PGR: variants seen among roughly 807,000 people sequenced by gnomAD.
The protein encoded by PGR is nuclear receptor subfamily 3 group C member 3.
PGR carries 25 observed loss-of-function variants against 76.1 expected under a neutral mutation model. The observed-to-expected ratio is 0.33, with a 90% CI of 0.24 to 0.46. The LOEUF (loss-of-function observed/expected upper bound fraction) is 0.46. Ranked by LOEUF, PGR falls within the 20% of genes least tolerant of loss-of-function variation. The pLI, the probability that PGR is intolerant of heterozygous loss-of-function variation, is 1.00. For synonymous variants in PGR, 579 were observed against 535.0 expected, an observed-to-expected ratio of 1.08 and a Z score of -1.14; for missense variants, 1,172 against 1,225.3, an observed-to-expected ratio of 0.96 and a Z score of 0.65.
chr11:101,053,804 T>TCCCTCCTTCCTTCCTC (rs147597569), intron 4 of PGR, among the ~76,000 whole-genome samples: 2 of 151,526 alleles, frequency 1.3e-5, no homozygotes, highest in East Asian at 2.0e-4. Context: ...CTTCTTTCCT[T>TCCCTCCTTCCTTCCTC]CCCTCCTTCC....
chr11:101,115,866 T>C (rs471715), intron 2 of PGR, among the ~76,000 whole-genome samples: 17,833 of 152,224 alleles, frequency 0.12, 1,355 homozygotes, highest in Non-Finnish European at 0.16. Flanking sequence ...CTCAACATAG[T>C]CTATAAATCA....
intron 2 of PGR, among the ~76,000 whole-genome samples, chr11:101,097,114 T>C (rs1861858108): frequency 6.6e-6 from 1 of 152,178 alleles, no homozygotes; most frequent in Non-Finnish European, 1.5e-5. Flanking sequence ...CTATGCTTCT[T>C]TCTCCTTGCA....
intron 2 of PGR, among the ~76,000 whole-genome samples, chr11:101,113,599 G>A (rs1380027633): frequency 6.6e-6 from 1 of 152,032 alleles, no homozygotes; most frequent in African/African-American, 2.4e-5. Context: ...ATACTACTGA[G>A]ACACTTGTCA....
intron 3 of PGR, among the ~76,000 whole-genome samples, chr11:101,068,997 CA>C (rs1295718748): frequency 6.6e-6 from 1 of 152,140 alleles, no homozygotes; most frequent in Non-Finnish European, 1.5e-5. Flanking sequence ...GCAATGGCAA[CA>C]AAAGACAAAA....
At chr11:101,119,339 A>G (rs1591431591) in intron 2 of PGR, among the ~76,000 whole-genome samples, 1 of 152,270 alleles carries the variant, frequency 6.6e-6, no homozygotes, top group Middle Eastern at 3.4e-3. Flanking sequence ...CAATTATTTC[A>G]ATCAATCCTT....
rs201297767 is a variant in PGR, at chr11:101,056,661, G to C, written c.2213-5093C>G. On this transcript the variant is annotated intron_variant, in intron 4 of 7. Transcript: ENST00000325455. ...TCTCAAGAAAAAAAAAAAAAAAAAA[G>C]ATGGCCTGTATGACAGTACTACTAA... 1.2e-4 allele frequency among the ~76,000 whole-genome samples: 13 copies of C among 111,512 alleles called. No homozygotes were observed. The East Asian group carries it at 1.5e-3, about 12-fold the overall frequency. The allele number at this position is 111,512 out of a possible 152,430, so 73.2% of individuals were successfully genotyped here.
chr11:101,121,048 T>C (rs495188), intron 2 of PGR, among the ~76,000 whole-genome samples: 38,257 of 152,082 alleles, frequency 0.25, 5,762 homozygotes, highest in Non-Finnish European at 0.35. Context: ...CAATGAACCC[T>C]AATGTAAAGT....
At chr11:101,097,199 C>T (rs892507405) in intron 2 of PGR, among the ~76,000 whole-genome samples, 3 of 152,168 alleles carry the variant, frequency 2.0e-5, no homozygotes, top group Non-Finnish European at 4.4e-5. Context: ...TAATCACATA[C>T]TCTTTCCCAT....
Position 101,125,992 on chromosome 11 carries a change from G to A in PGR, c.1789+15C>T, listed in dbSNP as rs752624580. On this transcript the variant is annotated intron_variant, in intron 2 of 7. Coordinates refer to ENST00000325455, the MANE Select transcript of PGR (RefSeq NM_000926.4). ...AATTAAACCAATAATAAAGGATCAG[G>A]GGAAAGGAGCCTACCTTCCATTGCC... 1.2e-6 allele frequency: 2 copies of A among 1,611,766 alleles called. No individual in the cohort carries two copies. The highest frequency in any genetic ancestry group is 1.7e-5 in the Admixed American group (1 of 60,014).
At chr11:101,071,158 T>G (rs1860920972) in intron 3 of PGR, among the ~76,000 whole-genome samples, 1 of 151,876 alleles carries the variant, frequency 6.6e-6, no homozygotes, top group Non-Finnish European at 1.5e-5. Flanking sequence ...TACTGCAGAG[T>G]CCGCTAGTGA....
At chr11:101,048,215 G>C (rs940335353) in intron 6 of PGR, among the ~76,000 whole-genome samples, 1 of 152,126 alleles carries the variant, frequency 6.6e-6, no homozygotes, top group African/African-American at 2.4e-5. Context: ...AATCTTTATA[G>C]TTACATGTTT....
chr11:101,059,842 C>CAAAAAAAAAAAAAAA (rs781123527), intron 4 of PGR, among the ~76,000 whole-genome samples: 16 of 62,740 alleles, frequency 2.6e-4, no homozygotes, highest in African/African-American at 4.6e-4. Flanking sequence ...GACCCTCTCT[C>CAAAAAAAAAAAAAAA]AAAAAAAAAA....
rs1339063029 is a variant in PGR, at chr11:101,038,140, A to G, written c.*976T>C. The G allele has an allele frequency of 5.2e-6, 1 of 193,058 alleles. No individual in the cohort carries two copies. Among genetic ancestry groups the G allele is most frequent in the Non-Finnish European group, 1.1e-5 (1 of 92,534 alleles). 12.0% of individuals were successfully genotyped at this position (193,058 alleles called of 1,614,324 possible). A position where few individuals can be genotyped will look rare whatever the true frequency, so the allele number is the denominator to read the frequency against. ...ATATGAATTCATGATAGTGGAGGATAAAGAGGAGAAAGGTATGTGAATTGA... is the reference window on the plus strand; with the variant it reads ...ATATGAATTCATGATAGTGGAGGATGAAGAGGAGAAAGGTATGTGAATTGA... On this transcript the variant is annotated 3_prime_UTR_variant, in exon 8 of 8. Transcript: ENST00000325455.
Position 101,036,902 on chromosome 11 carries a change from T to A in PGR, c.*2214A>T. ...TAACAAGAATCAGATAATAAAATGA[T>A]CACAACATCAACTGTTCCCTGAGTC... On this transcript the variant is annotated 3_prime_UTR_variant, in exon 8 of 8. Coordinates refer to ENST00000325455, the MANE Select transcript of PGR (RefSeq NM_000926.4). The A allele has an allele frequency of 5.1e-6, 1 of 197,876 alleles. No homozygotes were observed. The allele number at this position is 197,876 out of a possible 1,614,324, so 12.3% of individuals were successfully genotyped here. A position where few individuals can be genotyped will look rare whatever the true frequency, so the allele number is the denominator to read the frequency against.
chr11:101,039,056 C>T lies in PGR; in HGVS notation c.*60G>A. On this transcript the variant is annotated 3_prime_UTR_variant, in exon 8 of 8. Coordinates refer to ENST00000325455, the MANE Select transcript of PGR (RefSeq NM_000926.4). Reference sequence around the variant, plus strand: ...TTATAAAAACTCAAGACCTCATAATCCTGACCAAAACAAAAAGACATACCA... The same window carrying T: ...TTATAAAAACTCAAGACCTCATAATTCTGACCAAAACAAAAAGACATACCA... The T allele has an allele frequency of 7.2e-7, 1 of 1,379,422 alleles. No individual in the cohort carries two copies. Among genetic ancestry groups the T allele is most frequent in the Admixed American group, 1.7e-5 (1 of 58,822 alleles). 85.4% of individuals were successfully genotyped at this position (1,379,422 alleles called of 1,614,324 possible).
rs912383505 is a variant in PGR at position 101,035,578 on chromosome 11, G to A, written c.*3538C>T. The A allele has an allele frequency of 1.3e-5, 3 of 231,996 alleles. No individual in the cohort carries two copies. Among genetic ancestry groups the A allele is most frequent in the East Asian group, 1.2e-4 (2 of 16,336 alleles). 14.4% of individuals were successfully genotyped at this position (231,996 alleles called of 1,614,324 possible). ...ATTGCTGCCATAGTAAAAATAATTT[G>A]AGCATGGGTTTTTGGAGGGGCTGTG... On this transcript the variant is annotated 3_prime_UTR_variant, in exon 8 of 8. Coordinates refer to ENST00000325455, the MANE Select transcript of PGR (RefSeq NM_000926.4).
At chr11:101,103,979 A>G (rs1043809415) in intron 2 of PGR, among the ~76,000 whole-genome samples, 1 of 152,216 alleles carries the variant, frequency 6.6e-6, no homozygotes, top group Non-Finnish European at 1.5e-5. Flanking sequence ...ATAACAGTTT[A>G]AAAGTTGCTT....
At position 101,035,937 on chromosome 11, in the gene PGR, A is replaced by G. The variant is rs540479769; in HGVS notation, c.*3179T>C. On this transcript the variant is annotated 3_prime_UTR_variant, in exon 8 of 8. Coordinates refer to ENST00000325455, the MANE Select transcript of PGR (RefSeq NM_000926.4). ...GCTTAATGAAAACAAAATAGTAGCA[A>G]TTACTATTTCTGAAGGCCTGTATAC... 432 of 229,364 alleles carry G rather than the reference A, an allele frequency of 1.9e-3. 2 individuals carry two copies. Among genetic ancestry groups the G allele is most frequent in the African/African-American group, 9.1e-3 (410 of 45,278 alleles). The allele number at this position is 229,364 out of a possible 1,614,324, so 14.2% of individuals were successfully genotyped here.
chr11:101,052,729 C>T (rs955839407), intron 4 of PGR, among the ~76,000 whole-genome samples: 1 of 151,902 alleles, frequency 6.6e-6, no homozygotes, highest in African/African-American at 2.4e-5. Context: ...TAAGTCAAGT[C>T]AACACATTGG....
Sources: allele counts gnomAD v4.1 joint callset (sites outside exome capture counted in the v4.1 genomes callset), GRCh38; gene constraint gnomAD v4.1.1; transcripts MANE v1.5; gene names NCBI Gene and HGNC (gene_info 2026-07-23, HGNC 2026-07-21).